Variants in CLNK observed in about 807,000 individuals in gnomAD.
CLNK encodes cytokine dependent hematopoietic cell linker.
A neutral mutation model predicts 68.6 loss-of-function variants in CLNK; 74 were observed. The observed-to-expected ratio is 1.08, with a 90% confidence interval of 0.89 to 1.31. CLNK has a LOEUF of 1.31. Among genes scored for constraint, CLNK ranks in the 50% most tolerant of loss-of-function variants. The pLI, the probability that CLNK is intolerant of heterozygous loss-of-function variation, is 0.00. For missense variants in CLNK, 553 were observed against 515.3 expected (o/e 1.07, Z -0.71); for synonymous variants, 198 against 172.2 (o/e 1.15, Z -1.17).
intron 3 of CLNK, among the ~76,000 whole-genome samples, chr4:10,588,277 G>A (rs761050551): frequency 3.7e-4 from 57 of 152,290 alleles, no homozygotes; most frequent in Middle Eastern, 3.4e-3. Flanking sequence ...TCTAAATTAG[G>A]GTTCTTGTTA....
chr4:10,560,154 C>T (rs61795097), intron 7 of CLNK, among the ~76,000 whole-genome samples: 6,233 of 152,270 alleles, frequency 0.041, 188 homozygotes, highest in Middle Eastern at 0.099. Context: ...GGTCTGCGTG[C>T]GTTTGCACAC....
rs115041202 is a variant in CLNK at position 10,670,884 on chromosome 4, A to G, written c.-42-2973T>C. 1.7e-3 allele frequency among the ~76,000 whole-genome samples: 253 copies of G among 152,318 alleles called. 1 individual carries two copies. The highest frequency in any genetic ancestry group is 5.7e-3 in the African/African-American group (239 of 41,582). Reference sequence around the variant, plus strand: ...CTAGGATAGCAGGGATGGAAACGCAAGGGATCAGGGAGGAATCCTTAATTT... The same window carrying G: ...CTAGGATAGCAGGGATGGAAACGCAGGGGATCAGGGAGGAATCCTTAATTT... On this transcript the variant is annotated intron_variant, in intron 1 of 18. Coordinates refer to ENST00000226951, the MANE Select transcript of CLNK (RefSeq NM_052964.4).
intron 2 of CLNK, among the ~76,000 whole-genome samples, chr4:10,616,925 G>T (rs1200331071): frequency 6.6e-6 from 1 of 151,494 alleles, no homozygotes; most frequent in Admixed American, 6.6e-5. Flanking sequence ...TAATGTCTGT[G>T]GTAGAACGAA....
At chr4:10,516,207 A>G (rs1312001439) in intron 15 of CLNK, among the ~76,000 whole-genome samples, 1 of 152,200 alleles carries the variant, frequency 6.6e-6, no homozygotes, top group African/African-American at 2.4e-5. Context: ...TATAAACATT[A>G]TGTAAGTAAA....
At chr4:10,634,043 C>G (rs7687180) in intron 2 of CLNK, among the ~76,000 whole-genome samples, 31,526 of 152,118 alleles carry the variant, frequency 0.21, 3,508 homozygotes, top group Middle Eastern at 0.33. Context: ...ACAGGTAGAG[C>G]TGGGTGCAGA....
intron 2 of CLNK, among the ~76,000 whole-genome samples, chr4:10,650,896 T>C (rs1357246915): frequency 6.6e-6 from 1 of 151,900 alleles, no homozygotes; most frequent in African/African-American, 2.4e-5. Flanking sequence ...GTAAAGGATA[T>C]GAACAGACAC....
intron 1 of CLNK, 53 bp from the exon 2 acceptor site, chr4:10,667,964 T>C: frequency 9.4e-7 from 1 of 1,058,460 alleles, no homozygotes; most frequent in Non-Finnish European, 1.4e-6. Flanking sequence ...ATGTTTTAAT[T>C]CTGGGGAACA....
At chr4:10,709,091 A>G in the CLNK span, among the ~76,000 whole-genome samples, 20 of 152,362 alleles carry the variant, frequency 1.3e-4, no homozygotes, top group South Asian at 2.1e-4. Context: ...ATAAGATTCT[A>G]TGATTTGCAG....
At chr4:10,620,375 C>T (rs1330053381) in intron 2 of CLNK, among the ~76,000 whole-genome samples, 2 of 152,166 alleles carry the variant, frequency 1.3e-5, no homozygotes, top group African/African-American at 4.8e-5. Context: ...ACACCAATGC[C>T]AGAAACCCAC....
intron 8 of CLNK, among the ~76,000 whole-genome samples, chr4:10,547,305 C>T (rs1284037099): frequency 6.6e-6 from 1 of 152,032 alleles, no homozygotes; most frequent in Admixed American, 6.5e-5. Flanking sequence ...TTTAAACCAC[C>T]TCATTAAGGT....
chr4:10,728,896 G>T, the CLNK span, among the ~76,000 whole-genome samples: 2 of 151,980 alleles, frequency 1.3e-5, no homozygotes, highest in African/African-American at 4.8e-5. Context: ...ACCACACCCG[G>T]CCCCTTTCTT....
At chr4:10,672,283 T>G (rs934707710) in intron 1 of CLNK, among the ~76,000 whole-genome samples, 1 of 152,180 alleles carries the variant, frequency 6.6e-6, no homozygotes, top group Non-Finnish European at 1.5e-5. Context: ...GTCTCACTTT[T>G]GCGTTCTCTG....
chr4:10,490,497 G>C lies in CLNK; in HGVS notation c.1257C>G (p.Leu419=). 6.2e-7 allele frequency: 1 copy of C among 1,613,342 alleles called. No homozygotes were observed. The highest frequency in any genetic ancestry group is 2.2e-5 in the East Asian group (1 of 44,870). ...GAGGCAAGAGGTGTCTGGTGAGAGG[G>C]AGTGGCTGAGTGAGGTGACACTGTT... ...HRKQCHLTQP[L]PLTRHLLPL is the part of the protein sequence containing the mutation. Residue 419 remains leucine (L), a synonymous_variant, in exon 19 of 19, where the codon CTC becomes CTG. Coordinates refer to ENST00000226951, the MANE Select transcript of CLNK (RefSeq NM_052964.4).
chr4:10,564,728 G>T lies in CLNK; in HGVS notation c.342C>A (p.Thr114=), dbSNP rs1720035327. Residue 114 remains threonine, a synonymous_variant, in exon 7 of 19, where the codon ACC becomes ACA. Coordinates refer to ENST00000226951, the MANE Select transcript of CLNK (RefSeq NM_052964.4). The part of the protein sequence containing the change: ...VAMDTPLPLD[T]RTSISIGQPT... The stretch of plus-strand genomic sequence containing the variant: ...GCTGTCCAATGGAGATAGAGGTCCT[G>T]GTGTCTAACGGAAGGGGAGTGTCCA... The T allele has an allele frequency of 1.2e-6, 2 of 1,613,624 alleles. No individual in the cohort carries two copies. Among genetic ancestry groups the T allele is most frequent in the Admixed American group, 3.3e-5 (2 of 59,996 alleles).
chr4:10,489,508 G>A lies in CLNK; in HGVS notation c.*959C>T, dbSNP rs1716476456. The A allele has an allele frequency of 6.6e-6, 1 of 152,074 alleles. No individual in the cohort carries two copies. Among genetic ancestry groups the A allele is most frequent in the South Asian group, 2.1e-4 (1 of 4,812 alleles). The allele number at this position is 152,074 out of a possible 1,614,324, so 9.4% of individuals were successfully genotyped here. A position where few individuals can be genotyped will look rare whatever the true frequency, so the allele number is the denominator to read the frequency against. ...AAGCTACTTGAAGCAGATGATGCTG[G>A]AGGCTGGTCCCATGACCGTTTCACA... On this transcript the variant is annotated 3_prime_UTR_variant, in exon 19 of 19. Transcript: ENST00000226951.
Position 10,584,907 on chromosome 4 carries a change from G to T in CLNK, c.112+20C>A. The T allele has an allele frequency of 6.2e-7, 1 of 1,613,056 alleles. No homozygotes were observed. Among genetic ancestry groups the T allele is most frequent in the African/African-American group, 1.3e-5 (1 of 75,016 alleles). On this transcript the variant is annotated intron_variant, in intron 4 of 18. Coordinates refer to ENST00000226951, the MANE Select transcript of CLNK (RefSeq NM_052964.4). ...ATGCTGACATTCCCACCACTTAGGT[G>T]ACAGAGAGCCCCGACTCACCTGTGG...
Position 10,490,170 on chromosome 4 carries a change from T to C in CLNK, c.*297A>G, listed in dbSNP as rs942919074. 1 of 291,886 alleles carries C rather than the reference T, an allele frequency of 3.4e-6. No individual in the cohort carries two copies. Among genetic ancestry groups the C allele is most frequent in the East Asian group, 7.5e-5 (1 of 13,312 alleles). The allele number at this position is 291,886 out of a possible 1,614,324, so 18.1% of individuals were successfully genotyped here. A position where few individuals can be genotyped will look rare whatever the true frequency, so the allele number is the denominator to read the frequency against. On this transcript the variant is annotated 3_prime_UTR_variant, in exon 19 of 19. Coordinates refer to ENST00000226951, the MANE Select transcript of CLNK (RefSeq NM_052964.4). ...ATCATGAGCATAATGGCTATGTTTA[T>C]AGTATTTTTTGTTGTTGTTTTTTAG...
At chr4:10,610,155 C>G (rs1721955283) in intron 2 of CLNK, among the ~76,000 whole-genome samples, 1 of 144,260 alleles carries the variant, frequency 6.9e-6, no homozygotes, top group Non-Finnish European at 1.5e-5. Context: ...CTTCCGGGTT[C>G]ACGCCATTCT....
intron 2 of CLNK, among the ~76,000 whole-genome samples, chr4:10,634,780 G>T (rs757734746): frequency 5.3e-5 from 8 of 152,108 alleles, no homozygotes; most frequent in Non-Finnish European, 7.3e-5. Flanking sequence ...GGTTCATTCA[G>T]ATTAGTGAAA....
Sources: allele counts gnomAD v4.1 joint callset (sites outside exome capture counted in the v4.1 genomes callset), GRCh38; gene constraint gnomAD v4.1.1; transcripts MANE v1.5; gene names NCBI Gene and HGNC (gene_info 2026-07-23, HGNC 2026-07-21).